SLC6A19: variants seen among roughly 807,000 people sequenced by gnomAD.
The protein encoded by SLC6A19 is solute carrier family 6 member 19, also known as sodium-dependent neutral amino acid transporter B(0)AT1.
A neutral mutation model predicts 68.3 loss-of-function variants in SLC6A19; 67 were observed. The ratio of observed to expected loss-of-function variants is 0.98; its 90% CI spans 0.81 to 1.20. The LOEUF is 1.20. Ranked by LOEUF, SLC6A19 falls within the 50% of genes most tolerant of loss-of-function variation. SLC6A19 has a pLI of 0.00. For missense variants in SLC6A19, 813 were observed against 851.6 expected, an observed-to-expected ratio of 0.95 and a Z score of 0.56; for synonymous variants, 392 against 374.9, an observed-to-expected ratio of 1.05 and a Z score of -0.53.
chr5:1,214,285 G>A lies in SLC6A19; in HGVS notation c.887+220G>A, dbSNP rs903760505. 6.6e-6 allele frequency among the ~76,000 whole-genome samples: 1 copy of A among 152,084 alleles called. No homozygotes were observed. Among genetic ancestry groups the A allele is most frequent in the African/African-American group, 2.4e-5 (1 of 41,426 alleles). On this transcript the variant is annotated intron_variant, in intron 6 of 11. Coordinates refer to ENST00000304460, the MANE Select transcript of SLC6A19 (RefSeq NM_001003841.3). The surrounding 1 kb of genome is among the most constrained non-coding windows in gnomAD (Gnocchi z 7.4). ...CCCTGTGAGGAGGGCCAGGAGCCGG[G>A]CGCCTGCAGCTTTCCCCACACCCGT...
rs572012976 is a variant in SLC6A19, at chr5:1,219,611, C to T, written c.1485C>T (p.Leu495=). Residue 495 remains leucine, a synonymous_variant, in exon 10 of 12, where the codon CTC becomes CTT. Coordinates refer to ENST00000304460, the MANE Select transcript of SLC6A19 (RefSeq NM_001003841.3). ...GCTATGCCGGCTCCATTCCCCTGCT[C>T]ATCATCGCCTTCTGCGAGATGTTCT... The part of the protein sequence containing the change: ...LDSYAGSIPL[L]IIAFCEMFSV... The T allele has an allele frequency of 1.1e-5, 17 of 1,610,684 alleles. No individual in the cohort carries two copies. The Admixed American group carries it at 1.7e-4, about 16-fold the overall frequency.
At position 1,216,839 on chromosome 5, in the gene SLC6A19, C is replaced by T. The variant is rs1257798409; in HGVS notation, c.1067C>T (p.Thr356Ile). 7 of 1,613,820 alleles carry T rather than the reference C, an allele frequency of 4.3e-6. No individual in the cohort carries two copies. The South Asian group carries it at 4.4e-5, about 10-fold the overall frequency. Residue 356 changes from threonine to isoleucine, a missense_variant, in exon 8 of 12, where the codon ACC (threonine) becomes ATC (isoleucine). Transcript: ENST00000304460. ...TTCGACCTGCCTGAAGGCAACGTGA[C>T]CCAGGAGAACTTTGTGGACATGCAG... ...NGFDLPEGNV[T>I]QENFVDMQQR...
intron 1 of SLC6A19, among the ~76,000 whole-genome samples, chr5:1,205,651 A>G (rs116611502): frequency 0.012 from 1,860 of 152,360 alleles, 28 homozygotes; most frequent in African/African-American, 0.043. Context: ...AGACCCGAGC[A>G]TTTAGGGTTA....
chr5:1,221,773 G>T lies in SLC6A19; in HGVS notation c.1774G>T (p.Val592Leu), dbSNP rs754644759. 3 of 1,614,142 alleles carry T rather than the reference G, an allele frequency of 1.9e-6. No homozygotes were observed. The Admixed American group carries it at 5.0e-5, about 27-fold the overall frequency. ...VYVVVVIVAG[V>L]PSLTIPGYAI... ...TGTGGTGGTGGTGATTGTGGCTGGA[G>T]TGCCCTCCCTCACCATCCCTGGCTA... The change falls in exon 12 of 12, where the codon GTG becomes TTG. Residue 592 changes from valine to leucine, a missense_variant. By Grantham distance (32) the Val-to-Leu change is conservative. Coordinates refer to ENST00000304460, the MANE Select transcript of SLC6A19 (RefSeq NM_001003841.3).
rs776751296 is a variant in SLC6A19, at chr5:1,221,936, G to C, written c.*32G>C. On this transcript the variant is annotated 3_prime_UTR_variant, in exon 12 of 12. Coordinates refer to ENST00000304460, the MANE Select transcript of SLC6A19 (RefSeq NM_001003841.3). ...CCATCCCACGGCGTGCCATACACTGGTGTCAGGGAAGGAGGAACCAGCAAG... is the reference window on the plus strand; with the variant it reads ...CCATCCCACGGCGTGCCATACACTGCTGTCAGGGAAGGAGGAACCAGCAAG... 1.2e-6 allele frequency: 2 copies of C among 1,608,462 alleles called. No individual in the cohort carries two copies. The highest frequency in any genetic ancestry group is 8.5e-7 in the Non-Finnish European group (1 of 1,175,994).
intron 1 of SLC6A19, among the ~76,000 whole-genome samples, chr5:1,207,003 C>T (rs1745871826): frequency 6.6e-6 from 1 of 152,142 alleles, no homozygotes; most frequent in African/African-American, 2.4e-5. Context: ...GCAGCGTGGC[C>T]CTTCCGTCCA....
chr5:1,203,860 C>G (rs1402929349), intron 1 of SLC6A19, among the ~76,000 whole-genome samples: 2 of 152,182 alleles, frequency 1.3e-5, no homozygotes, highest in Non-Finnish European at 2.9e-5. Flanking sequence ...CAGCAGGGCA[C>G]CCGTCTCCTG....
chr5:1,210,300 G>C, intron 2 of SLC6A19, 144 bp from the exon 3 acceptor site: 5 of 1,173,336 alleles, frequency 4.3e-6, no homozygotes. Flanking sequence ...ATCCCGGCCT[G>C]CACTGGGTCG....
In SLC6A19 at chr5:1,214,140, G is replaced by A. The variant is rs939620294; in HGVS notation, c.887+75G>A. On this transcript the variant is annotated intron_variant, in intron 6 of 11. Transcript: ENST00000304460. This position sits in a 1 kb window ranked among gnomAD's most constrained non-coding sequence, Gnocchi z 7.4. ...TCTTGCTGGGAGGATAAAAGACAAGGTGGAAAGCACTCTGTGGCTGTGTGG... is the reference window on the plus strand; with the variant it reads ...TCTTGCTGGGAGGATAAAAGACAAGATGGAAAGCACTCTGTGGCTGTGTGG... The A allele has an allele frequency of 1.1e-5, 17 of 1,606,412 alleles. No homozygotes were observed. Among genetic ancestry groups the A allele is most frequent in the Middle Eastern group, 1.6e-4 (1 of 6,070 alleles).
In SLC6A19 at chr5:1,214,146, A is replaced by C; in HGVS notation, c.887+81A>C. 1 of 1,601,708 alleles carries C rather than the reference A, an allele frequency of 6.2e-7. No individual in the cohort carries two copies. The highest frequency in any genetic ancestry group is 8.5e-7 in the Non-Finnish European group (1 of 1,174,372). ...TGGGAGGATAAAAGACAAGGTGGAA[A>C]GCACTCTGTGGCTGTGTGGCCGGGG... is the stretch of plus-strand genomic sequence containing the variant. On this transcript the variant is annotated intron_variant, in intron 6 of 11. Coordinates refer to ENST00000304460, the MANE Select transcript of SLC6A19 (RefSeq NM_001003841.3). This position sits in a 1 kb window ranked among gnomAD's most constrained non-coding sequence, Gnocchi z 7.4.
chr5:1,216,668 A>G lies in SLC6A19; in HGVS notation c.998A>G (p.Tyr333Cys). ...SVIGFRATQR[Y>C]DDCFSTNILT... is the part of the protein sequence containing the mutation. ...ATTGGGTTCCGCGCCACACAGCGCT[A>G]CGACGACTGCTTCAGCACGTGAGTG... Residue 333 changes from tyrosine to cysteine, a missense_variant, in exon 7 of 12, where the codon TAC becomes TGC. Transcript: ENST00000304460. 2.5e-6 allele frequency: 4 copies of G among 1,613,770 alleles called. No individual in the cohort carries two copies. Among genetic ancestry groups the G allele is most frequent in the Non-Finnish European group, 3.4e-6 (4 of 1,179,914 alleles).
chr5:1,208,662 T>A, intron 1 of SLC6A19, 84 bp from the exon 2 acceptor site: 1 of 1,597,188 alleles, frequency 6.3e-7, no homozygotes, highest in Non-Finnish European at 8.5e-7. Context: ...GCTGCAAGGT[T>A]TGCTGTGAAT....
intron 3 of SLC6A19, among the ~76,000 whole-genome samples, chr5:1,211,458 G>A (rs986895071): frequency 4.6e-5 from 7 of 152,256 alleles, no homozygotes; most frequent in African/African-American, 1.7e-4. Context: ...CTTGCACAGG[G>A]AAGAGGGAGC....
chr5:1,219,524 A>T lies in SLC6A19; in HGVS notation c.1398A>T (p.Thr466=). 1 of 1,612,162 alleles carries T rather than the reference A, an allele frequency of 6.2e-7. No homozygotes were observed. The highest frequency in any genetic ancestry group is 8.5e-7 in the Non-Finnish European group (1 of 1,180,010). ...EVLTGLICLG[T]FLIGFIFTLN... Reference sequence around the variant, plus strand: ...CTGCAGGCCTCATCTGCCTGGGGACATTCCTCATTGGCTTCATCTTCACGC... The same window carrying T: ...CTGCAGGCCTCATCTGCCTGGGGACTTTCCTCATTGGCTTCATCTTCACGC... Residue 466 remains threonine, a synonymous_variant, in exon 10 of 12, where the codon ACA becomes ACT. Coordinates refer to ENST00000304460, the MANE Select transcript of SLC6A19 (RefSeq NM_001003841.3).
chr5:1,213,823 C>A, intron 5 of SLC6A19, 130 bp from the exon 6 acceptor site: 1 of 1,464,304 alleles, frequency 6.8e-7, no homozygotes, highest in Non-Finnish European at 9.3e-7. Context: ...AGCTGCCACC[C>A]CAGGGGGCCC....
intron 8 of SLC6A19, 94 bp from the exon 9 acceptor site, chr5:1,218,809 G>C: frequency 7.6e-7 from 1 of 1,314,518 alleles, no homozygotes; most frequent in Non-Finnish European, 1.1e-6. Flanking sequence ...CCCGCCCCAT[G>C]CTGCGTGGCT....
Position 1,209,576 on chromosome 5 carries a change from C to T in SLC6A19, c.343+690C>T, listed in dbSNP as rs1745965111. Among the ~76,000 whole-genome samples the T allele has an allele frequency of 6.6e-6, 1 of 151,888 alleles. No individual in the cohort carries two copies. The highest frequency in any genetic ancestry group is 6.6e-5 in the Admixed American group (1 of 15,238). On this transcript the variant is annotated intron_variant, in intron 2 of 11. Transcript: ENST00000304460. This position sits in a 1 kb window ranked among gnomAD's most constrained non-coding sequence, Gnocchi z 5.5. The stretch of plus-strand genomic sequence containing the variant: ...CTCTCGCTGAGTATCCAAGACCTCC[C>T]TCCTCCCTCTCTCTTCCTCTCTCTG...
At chr5:1,220,655 G>A (rs886495415) in intron 10 of SLC6A19, among the ~76,000 whole-genome samples, 1 of 152,202 alleles carries the variant, frequency 6.6e-6, no homozygotes, top group Non-Finnish European at 1.5e-5. Context: ...GACACTGCAG[G>A]CCTGGGACCG....
Position 1,213,947 on chromosome 5 carries a change from G to T in SLC6A19, c.775-6G>T. ...ATGAGTGGCTGAGGGTCTCCATGTG[G>T]CGCAGGTCACGGAGCTGGCCCAGCC... On this transcript the variant is annotated splice_polypyrimidine_tract_variant and splice_region_variant and intron_variant, in intron 5 of 11. Transcript: ENST00000304460. The T allele has an allele frequency of 6.2e-7, 1 of 1,612,820 alleles. No homozygotes were observed. Among genetic ancestry groups the T allele is most frequent in the Non-Finnish European group, 8.5e-7 (1 of 1,179,984 alleles).
Sources: allele counts gnomAD v4.1 joint callset (sites outside exome capture counted in the v4.1 genomes callset), GRCh38; gene constraint gnomAD v4.1.1; non-coding constraint Gnocchi (gnomAD v3.1); transcripts MANE v1.5; gene names NCBI Gene and HGNC (gene_info 2026-07-23, HGNC 2026-07-21).